TEX11: variants seen among roughly 807,000 people sequenced by gnomAD.
The protein encoded by TEX11 is testis-expressed protein 11.
In TEX11, 7 loss-of-function variants were observed where a neutral mutation model predicts 84.4. That is an observed-to-expected ratio of 0.08 (90% CI 0.05 to 0.16). TEX11 has a LOEUF of 0.16. TEX11 is among the 10% of genes least tolerant of loss of function. TEX11 has a pLI of 1.00. For missense variants in TEX11, 551 were observed against 660.5 expected (o/e 0.83, Z 1.82); for synonymous variants, 264 against 222.8 (o/e 1.18, Z -1.64).
At chrX:70,749,061 T>G (rs2090791285) in intron 9 of TEX11, among the ~76,000 whole-genome samples, 1 of 102,786 alleles carries the variant, frequency 9.7e-6, no homozygotes, top group Non-Finnish European at 1.9e-5. Context: ...GAGCATGGAA[T>G]GTTCTTCCAT....
chrX:70,619,249 T>C (rs1346219241), intron 20 of TEX11, among the ~76,000 whole-genome samples: 3 of 112,048 alleles, frequency 2.7e-5, no homozygotes, highest in African/African-American at 9.7e-5. Context: ...TAAATCTTTA[T>C]GTCAGAATTC....
At chrX:70,815,698 A>G (rs2091282545) in intron 8 of TEX11, among the ~76,000 whole-genome samples, 1 of 111,381 alleles carries the variant, frequency 9.0e-6, no homozygotes, top group Admixed American at 9.6e-5. Flanking sequence ...ATCTTGGAAC[A>G]TGTCCCCCAC....
At chrX:70,633,557 A>G (rs1329556738) in intron 17 of TEX11, among the ~76,000 whole-genome samples, 1 of 112,146 alleles carries the variant, frequency 8.9e-6, no homozygotes, top group East Asian at 2.8e-4. Context: ...AGAAAAAAAT[A>G]AATTGCACCC....
chrX:70,668,948 A>T (rs1159750738), intron 16 of TEX11, among the ~76,000 whole-genome samples: 3 of 111,846 alleles, frequency 2.7e-5, no homozygotes, highest in Non-Finnish European at 3.8e-5. Flanking sequence ...ACTGTCTCAG[A>T]GTCCAAATAT....
intron 8 of TEX11, among the ~76,000 whole-genome samples, chrX:70,813,491 C>T (rs1483897370): frequency 2.7e-5 from 3 of 111,650 alleles, no homozygotes; most frequent in Admixed American, 9.5e-5. Flanking sequence ...CAGCCAATAT[C>T]ATACTGAATG....
At chrX:70,624,645 G>A (rs1387144795) in intron 19 of TEX11, among the ~76,000 whole-genome samples, 194 bp downstream of exon 19, 1 of 111,635 alleles carries the variant, frequency 9.0e-6, no homozygotes, top group East Asian at 2.8e-4. Context: ...AATCCTGCTG[G>A]TTTCTTATTT....
intron 7 of TEX11, among the ~76,000 whole-genome samples, chrX:70,834,482 G>A (rs974756883): frequency 9.0e-5 from 10 of 111,318 alleles, no homozygotes; most frequent in South Asian, 7.6e-4. Flanking sequence ...TTGGCCAGGA[G>A]CAGTGGCTCA....
chrX:70,533,859 C>T lies in TEX11; in HGVS notation c.2521-3860G>A, dbSNP rs1028892845. Among the ~76,000 whole-genome samples, 6 of 110,089 alleles carry T rather than the reference C, an allele frequency of 5.5e-5. No homozygotes were observed. In the South Asian group the frequency reaches 2.0e-3, roughly 36 times the overall value. The stretch of plus-strand genomic sequence containing the variant: ...CTGTAATCCCAGGACTTTGGGAGGC[C>T]GAGGTGGGCGGATCACGAGGTCAAG... On this transcript the variant is annotated intron_variant, in intron 28 of 29. Coordinates refer to ENST00000374333, the MANE Select transcript of TEX11 (RefSeq NM_031276.3).
At chrX:70,731,381 G>A (rs1235878021) in intron 11 of TEX11, among the ~76,000 whole-genome samples, 1 of 109,854 alleles carries the variant, frequency 9.1e-6, no homozygotes, top group East Asian at 2.8e-4. Context: ...TTTTTGAAAA[G>A]ATCAACAAAA....
intron 2 of TEX11, among the ~76,000 whole-genome samples, chrX:70,882,145 G>A (rs2091686938): frequency 9.0e-6 from 1 of 110,626 alleles, no homozygotes; most frequent in Admixed American, 9.7e-5. Flanking sequence ...CTAAGATTAG[G>A]TAAGTATTGG....
chrX:70,863,331 T>G (rs2091580758), intron 4 of TEX11, among the ~76,000 whole-genome samples: 1 of 111,675 alleles, frequency 9.0e-6, no homozygotes, highest in African/African-American at 3.3e-5. Context: ...AAGCTCCAGC[T>G]GGCATTAGGC....
intron 25 of TEX11, among the ~76,000 whole-genome samples, chrX:70,574,433 C>A (rs2088646644): frequency 9.0e-6 from 1 of 111,381 alleles, no homozygotes; most frequent in African/African-American, 3.3e-5. Context: ...ATCCCAAGTT[C>A]AATCTCCATT....
chrX:70,832,536 A>C (rs2091382495), intron 8 of TEX11, among the ~76,000 whole-genome samples: 1 of 112,120 alleles, frequency 8.9e-6, no homozygotes, highest in Non-Finnish European at 1.9e-5. Flanking sequence ...TAAGCTCTAC[A>C]TTATGACACC....
At chrX:70,704,202 G>A (rs1321514377) in intron 13 of TEX11, among the ~76,000 whole-genome samples, 1 of 109,308 alleles carries the variant, frequency 9.1e-6, no homozygotes, top group Non-Finnish European at 1.9e-5. Context: ...GTTCCCTGAG[G>A]TCTCCCCAGA....
At chrX:70,677,334 C>T (rs2090080984) in intron 15 of TEX11, among the ~76,000 whole-genome samples, 1 of 111,349 alleles carries the variant, frequency 9.0e-6, no homozygotes, top group Non-Finnish European at 1.9e-5. Context: ...TTCCCAATGC[C>T]CCATGAATTA....
chrX:70,663,449 T>G (rs951038174), intron 16 of TEX11, among the ~76,000 whole-genome samples: 11 of 111,854 alleles, frequency 9.8e-5, no homozygotes, highest in Admixed American at 1.9e-4. Flanking sequence ...GGAAGAAAGC[T>G]ATCGTGTTTC....
At chrX:70,786,008 A>C (rs1219201315) in intron 9 of TEX11, among the ~76,000 whole-genome samples, 1 of 111,914 alleles carries the variant, frequency 8.9e-6, no homozygotes, top group Non-Finnish European at 1.9e-5. Flanking sequence ...TACTATAAAG[A>C]TACGTGCACA....
chrX:70,908,291 C>T (rs1321296530), intron 1 of TEX11, among the ~76,000 whole-genome samples: 1 of 110,865 alleles, frequency 9.0e-6, no homozygotes, highest in East Asian at 2.8e-4. Flanking sequence ...TGGCCCACCA[C>T]AACTCCCCAT....
chrX:70,820,370 A>G (rs1011595829), intron 8 of TEX11, among the ~76,000 whole-genome samples: 2 of 112,445 alleles, frequency 1.8e-5, no homozygotes, highest in Admixed American at 1.9e-4. Flanking sequence ...AAATAATGAA[A>G]TTGGACCCTT....
Sources: gnomAD v4.1 joint callset for allele counts (sites outside exome capture counted in the v4.1 genomes callset) on GRCh38, gnomAD v4.1.1 for gene constraint, MANE v1.5 for transcripts, NCBI Gene and HGNC (gene_info 2026-07-23, HGNC 2026-07-21) for gene names.